FOXK2: variants seen among roughly 807,000 people sequenced by gnomAD.
FOXK2 encodes forkhead box K2, also known as forkhead box protein K2.
In FOXK2, 24 loss-of-function variants were observed where a neutral mutation model predicts 53.3. That is an observed-to-expected ratio of 0.45 (90% confidence interval 0.33 to 0.63). FOXK2 has a LOEUF of 0.63. FOXK2 is among the 30% of genes least tolerant of loss of function. The pLI, the probability that FOXK2 is intolerant of heterozygous loss-of-function variation, is 0.03. For missense variants in FOXK2, 952 were observed against 910.5 expected (o/e 1.05, Z -0.59); for synonymous variants, 505 against 407.1 (o/e 1.24, Z -2.89).
At chr17:82,547,721 A>G (rs1002140372) in intron 1 of FOXK2, among the ~76,000 whole-genome samples, 1 of 152,188 alleles carries the variant, frequency 6.6e-6, no homozygotes, top group Non-Finnish European at 1.5e-5. Flanking sequence ...AATCACAATC[A>G]AAATAATAGA....
At chr17:82,592,695 A>G (rs1379093260) in intron 8 of FOXK2, among the ~76,000 whole-genome samples, 2 of 151,870 alleles carry the variant, frequency 1.3e-5, no homozygotes, top group African/African-American at 4.8e-5. Context: ...TCATTTGTTG[A>G]CTCCAGTGTT....
At chr17:82,534,920 G>T (rs529337124) in intron 1 of FOXK2, among the ~76,000 whole-genome samples, 1 of 152,152 alleles carries the variant, frequency 6.6e-6, no homozygotes, top group East Asian at 1.9e-4. Context: ...TTGCTCTGTC[G>T]CCCAGCTGGA....
chr17:82,571,022 G>A (rs561276615), intron 3 of FOXK2, among the ~76,000 whole-genome samples: 1 of 152,196 alleles, frequency 6.6e-6, no homozygotes, highest in African/African-American at 2.4e-5. Flanking sequence ...AGTCCCAGGG[G>A]CTCTGGGCAG....
intron 1 of FOXK2, among the ~76,000 whole-genome samples, chr17:82,555,236 T>G (rs2044712321): frequency 6.6e-6 from 1 of 152,174 alleles, no homozygotes; most frequent in Non-Finnish European, 1.5e-5. Context: ...TCAGGGGCCC[T>G]TCTAGCCAAG....
At chr17:82,527,156 C>T (rs956623419) in intron 1 of FOXK2, among the ~76,000 whole-genome samples, 3 of 152,104 alleles carry the variant, frequency 2.0e-5, no homozygotes, top group Middle Eastern at 3.2e-3. Flanking sequence ...GGGCAAATGG[C>T]GCTTTGCACT....
chr17:82,569,403 C>T (rs1010443600), intron 3 of FOXK2, among the ~76,000 whole-genome samples: 1 of 152,184 alleles, frequency 6.6e-6, no homozygotes, highest in Non-Finnish European at 1.5e-5. Flanking sequence ...AGTGGTAAAA[C>T]GTAGTAAATC....
chr17:82,519,849 G>A lies in FOXK2; in HGVS notation c.-40G>A, dbSNP rs2044340393. ...GCCTGGGCCTCGGCCCGCGCCACCGGCGCCCGCGCGGAGCGGCCCGGGGGC... is the reference window on the plus strand; with the variant it reads ...GCCTGGGCCTCGGCCCGCGCCACCGACGCCCGCGCGGAGCGGCCCGGGGGC... On this transcript the variant is annotated 5_prime_UTR_variant, in exon 1 of 9. Coordinates refer to ENST00000335255, the MANE Select transcript of FOXK2 (RefSeq NM_004514.4). 1.1e-6 allele frequency: 1 copy of A among 930,776 alleles called. No homozygotes were observed. The highest frequency in any genetic ancestry group is 1.8e-5 in the African/African-American group (1 of 55,382). The allele number at this position is 930,776 out of a possible 1,614,324, so 57.7% of individuals were successfully genotyped here. A position where few individuals can be genotyped will look rare whatever the true frequency, so the allele number is the denominator to read the frequency against.
At position 82,568,324 on chromosome 17, in the gene FOXK2, G is replaced by A. The variant is rs1005865254; in HGVS notation, c.762+123G>A. On this transcript the variant is annotated intron_variant, in intron 3 of 8. Transcript: ENST00000335255. ...ACAGCCCTGCCAGGGCATCGGTGGG[G>A]ATGTGGGCTTGATTCTGGTGTTGCT... is the stretch of plus-strand genomic sequence containing the variant. The A allele has an allele frequency of 6.7e-6, 8 of 1,188,904 alleles. No individual in the cohort carries two copies. In the African/African-American group the frequency reaches 1.2e-4, roughly 18 times the overall value. 73.6% of individuals were successfully genotyped at this position (1,188,904 alleles called of 1,614,324 possible). A position where few individuals can be genotyped will look rare whatever the true frequency, so the allele number is the denominator to read the frequency against.
At chr17:82,528,772 A>C (rs1270055695) in intron 1 of FOXK2, among the ~76,000 whole-genome samples, 1 of 152,230 alleles carries the variant, frequency 6.6e-6, no homozygotes, top group Non-Finnish European at 1.5e-5. Context: ...TGTTAGGAAC[A>C]GAGAAGGTGC....
chr17:82,584,559 T>TC (rs1398567273), intron 6 of FOXK2, among the ~76,000 whole-genome samples: 1 of 74,518 alleles, frequency 1.3e-5, no homozygotes, highest in Non-Finnish European at 2.7e-5. Context: ...CTTTTTTTTT[T>TC]TTTTTTTTTT....
At chr17:82,525,157 TTTTA>T (rs1234684653) in intron 1 of FOXK2, among the ~76,000 whole-genome samples, 1 of 151,774 alleles carries the variant, frequency 6.6e-6, no homozygotes, top group East Asian at 1.9e-4. Context: ...TGTATTTGTA[TTTTA>T]TTTATTTATC....
chr17:82,597,422 C>T (rs1362339224), intron 8 of FOXK2, among the ~76,000 whole-genome samples: 2 of 152,194 alleles, frequency 1.3e-5, no homozygotes, highest in Admixed American at 6.5e-5. Flanking sequence ...CTGCTCCCTC[C>T]CCAGCTCCGG....
chr17:82,563,662 T>A (rs1372888596), intron 2 of FOXK2, 114 bp downstream of exon 2: 1 of 864,292 alleles, frequency 1.2e-6, no homozygotes. Context: ...TGTGAGGTGG[T>A]GTTTAAAATA....
At chr17:82,557,944 C>A (rs929600735) in intron 1 of FOXK2, among the ~76,000 whole-genome samples, 2 of 152,168 alleles carry the variant, frequency 1.3e-5, no homozygotes, top group African/African-American at 2.4e-5. Context: ...TGAGCAACCG[C>A]GTCTGGCCCC....
At chr17:82,566,751 T>A (rs1318928328) in intron 2 of FOXK2, among the ~76,000 whole-genome samples, 1 of 152,134 alleles carries the variant, frequency 6.6e-6, no homozygotes, top group Non-Finnish European at 1.5e-5. Flanking sequence ...TCATCCTGCG[T>A]TTCCTTGCTT....
intron 1 of FOXK2, among the ~76,000 whole-genome samples, chr17:82,552,387 C>G (rs996562610): frequency 7.9e-5 from 12 of 152,146 alleles, no homozygotes; most frequent in African/African-American, 2.4e-4. Context: ...CTCTTCTGTG[C>G]CTGCCCTGGT....
At chr17:82,583,416 G>A (rs544367405) in intron 5 of FOXK2, among the ~76,000 whole-genome samples, 7 of 152,192 alleles carry the variant, frequency 4.6e-5, no homozygotes, top group Non-Finnish European at 7.4e-5. Context: ...GCGCGGTGGC[G>A]CGCGCCTGTA....
intron 4 of FOXK2, chr17:82,578,672 C>T (rs1401691961): frequency 6.6e-6 from 1 of 152,144 alleles, no homozygotes; most frequent in Non-Finnish European, 1.5e-5. Flanking sequence ...TTCATTTGCC[C>T]TTGGAGTTGT....
chr17:82,570,417 C>T (rs971559877), intron 3 of FOXK2, among the ~76,000 whole-genome samples: 1 of 152,128 alleles, frequency 6.6e-6, no homozygotes, highest in Non-Finnish European at 1.5e-5. Context: ...CACCTGAGCC[C>T]TGGGAGTTCA....
Sources: allele counts gnomAD v4.1 joint callset (sites outside exome capture counted in the v4.1 genomes callset), GRCh38; gene constraint gnomAD v4.1.1; transcripts MANE v1.5; gene names NCBI Gene and HGNC (gene_info 2026-07-23, HGNC 2026-07-21).